NBEA: variants seen among roughly 807,000 people sequenced by gnomAD.
NBEA encodes neurobeachin, also known as lysosomal-trafficking regulator 2.
In NBEA, 44 loss-of-function variants were observed where a neutral mutation model predicts 343.4. That is an observed-to-expected ratio of 0.13 (90% CI 0.10 to 0.16). The LOEUF (loss-of-function observed/expected upper bound fraction) is 0.16. Among genes scored for constraint, NBEA ranks in the 10% least tolerant of loss-of-function variants. NBEA has a pLI of 1.00. For missense variants in NBEA, 2,555 were observed against 3,631.3 expected (o/e 0.70, Z 7.62); for synonymous variants, 1,175 against 1,238.7 (o/e 0.95, Z 1.08).
At chr13:35,070,640 A>G (rs1187668594) in intron 9 of NBEA, 79 bp from the exon 10 acceptor site, 2 of 1,275,050 alleles carry the variant, frequency 1.6e-6, no homozygotes, top group Non-Finnish European at 2.1e-6. Flanking sequence ...TAATTCTATT[A>G]TAAAGGTATT....
At chr13:35,271,018 A>C (rs1198026914) in intron 34 of NBEA, among the ~76,000 whole-genome samples, 2 of 152,210 alleles carry the variant, frequency 1.3e-5, no homozygotes, top group Non-Finnish European at 2.9e-5. Flanking sequence ...ATGGCATTTG[A>C]GCTCCGATAA....
chr13:35,565,920 A>G (rs1441237327), intron 44 of NBEA, among the ~76,000 whole-genome samples: 2 of 152,216 alleles, frequency 1.3e-5, no homozygotes, highest in African/African-American at 2.4e-5. Flanking sequence ...GAAAAAATGT[A>G]TGATTGACAT....
intron 17 of NBEA, among the ~76,000 whole-genome samples, chr13:35,137,133 G>A (rs2067777808): frequency 2.6e-5 from 4 of 152,014 alleles, no homozygotes; most frequent in Admixed American, 2.0e-4. Flanking sequence ...TATTTTTTAA[G>A]CCTCATAGAG....
At chr13:35,059,000 T>G (rs1202069837) in intron 8 of NBEA, 137 bp downstream of exon 8, 1 of 695,858 alleles carries the variant, frequency 1.4e-6, no homozygotes, top group African/African-American at 1.9e-5. Flanking sequence ...AGTTTTATTA[T>G]ATGTTTCTTT....
At chr13:35,025,187 C>A (rs1370143607) in intron 1 of NBEA, among the ~76,000 whole-genome samples, 1 of 151,988 alleles carries the variant, frequency 6.6e-6, no homozygotes, top group Non-Finnish European at 1.5e-5. Flanking sequence ...AATTAAGTCC[C>A]ACTTGTTTAT....
Position 35,439,245 on chromosome 13 carries a change from G to A in NBEA, c.6304+6852G>A, listed in dbSNP as rs570688955. On this transcript the variant is annotated intron_variant, in intron 39 of 58. Transcript: ENST00000379939. ...TCCAGCACGAAATATCAATAGTACC[G>A]AAGTTTGAATAACCCTAGTCCAGTG... Among the ~76,000 whole-genome samples the A allele has an allele frequency of 7.9e-5, 12 of 152,244 alleles. No individual in the cohort carries two copies. The East Asian group carries it at 1.9e-3, about 25-fold the overall frequency.
intron 1 of NBEA, among the ~76,000 whole-genome samples, chr13:34,963,238 T>TA (rs2059714357): frequency 6.6e-6 from 1 of 151,980 alleles, no homozygotes; most frequent in Admixed American, 6.6e-5. Flanking sequence ...GCAGGACTGG[T>TA]TTCTTCTGAA....
chr13:35,395,610 A>C (rs117571360), intron 38 of NBEA, among the ~76,000 whole-genome samples: 5,312 of 152,256 alleles, frequency 0.035, 137 homozygotes, highest in Non-Finnish European at 0.053. Context: ...AAAATAATGT[A>C]CATTTTTCAC....
At chr13:35,068,116 A>G (rs573565172) in intron 8 of NBEA, among the ~76,000 whole-genome samples, 1 of 152,238 alleles carries the variant, frequency 6.6e-6, no homozygotes, top group African/African-American at 2.4e-5. Flanking sequence ...TCTTCATTTA[A>G]TGGATTCTAT....
At chr13:35,338,685 C>T (rs1203731744) in intron 36 of NBEA, among the ~76,000 whole-genome samples, 2 of 151,930 alleles carry the variant, frequency 1.3e-5, no homozygotes, top group African/African-American at 4.8e-5. Context: ...GTATCTACCA[C>T]GCTATTAAGT....
chr13:35,411,874 G>A (rs965549374), intron 38 of NBEA, among the ~76,000 whole-genome samples: 3 of 151,944 alleles, frequency 2.0e-5, no homozygotes, highest in African/African-American at 7.2e-5. Flanking sequence ...GTAAACTTCT[G>A]ATTTCTTTAA....
chr13:35,396,414 T>C (rs1224745140), intron 38 of NBEA, among the ~76,000 whole-genome samples: 2 of 152,158 alleles, frequency 1.3e-5, no homozygotes, highest in Non-Finnish European at 2.9e-5. Context: ...TTTTAATTTA[T>C]ATATTACATT....
intron 34 of NBEA, among the ~76,000 whole-genome samples, chr13:35,234,700 G>A (rs147753736): frequency 1.1e-4 from 17 of 152,222 alleles, no homozygotes; most frequent in African/African-American, 3.6e-4. Flanking sequence ...GAGGACACAG[G>A]TTTGAAAGGG....
Position 35,472,466 on chromosome 13 carries a change from C to T in NBEA, c.6515C>T (p.Ser2172Phe), listed in dbSNP as rs2075694989. The change falls in exon 41 of 59, where the codon TCC becomes TTC. Residue 2172 changes from serine (S) to phenylalanine (F), a missense_variant. Coordinates refer to ENST00000379939, the MANE Select transcript of NBEA (RefSeq NM_001385012.1). Reference protein sequence around the residue: ...APVVVAKGTLSITTTEIYFEV... With the variant: ...APVVVAKGTLFITTTEIYFEV... ...GTGGTGGTGGCCAAGGGGACTCTCTCCATCACCACGACAGAAATCTACTTC... is the reference window on the plus strand; with the variant it reads ...GTGGTGGTGGCCAAGGGGACTCTCTTCATCACCACGACAGAAATCTACTTC... 2 of 1,613,890 alleles carry T rather than the reference C, an allele frequency of 1.2e-6. No individual in the cohort carries two copies. Among genetic ancestry groups the T allele is most frequent in the Non-Finnish European group, 1.7e-6 (2 of 1,179,906 alleles).
chr13:35,464,750 C>G (rs1350959578), intron 40 of NBEA, among the ~76,000 whole-genome samples: 1 of 152,140 alleles, frequency 6.6e-6, no homozygotes, highest in Non-Finnish European at 1.5e-5. Flanking sequence ...AAGTGCCTTA[C>G]ACAGTTCTTA....
intron 41 of NBEA, among the ~76,000 whole-genome samples, chr13:35,532,470 A>C (rs986505596): frequency 6.6e-6 from 1 of 152,184 alleles, no homozygotes; most frequent in Non-Finnish European, 1.5e-5. Flanking sequence ...TATGCTAGTA[A>C]TAATAAAAAT....
At chr13:35,577,355 A>G (rs1212001549) in intron 45 of NBEA, among the ~76,000 whole-genome samples, 1 of 152,214 alleles carries the variant, frequency 6.6e-6, no homozygotes, top group Non-Finnish European at 1.5e-5. Context: ...ACAAAGGTTG[A>G]AGGCATAATG....
intron 25 of NBEA, chr13:35,170,994 G>T (rs2070418266): frequency 2.1e-6 from 1 of 484,304 alleles, no homozygotes; most frequent in Admixed American, 2.5e-5. Context: ...TTTGTGAAAT[G>T]ATCTTAAGTT....
chr13:35,561,299 A>G (rs140205631), intron 44 of NBEA, among the ~76,000 whole-genome samples: 146 of 152,290 alleles, frequency 9.6e-4, no homozygotes, highest in African/African-American at 3.3e-3. Context: ...TAAATTCACT[A>G]GAATTACTGG....
Sources: allele counts gnomAD v4.1 joint callset (sites outside exome capture counted in the v4.1 genomes callset), GRCh38; gene constraint gnomAD v4.1.1; transcripts MANE v1.5; gene names NCBI Gene and HGNC (gene_info 2026-07-23, HGNC 2026-07-21).